TDRD5: variants seen among roughly 807,000 people sequenced by gnomAD.
TDRD5 encodes tudor domain-containing protein 5.
Under a neutral mutation model 120.6 loss-of-function variants are expected in TDRD5, and 41 were observed. The ratio of observed to expected loss-of-function variants is 0.34; its 90% CI spans 0.26 to 0.44. The LOEUF is 0.44. Ranked by LOEUF, TDRD5 falls within the 20% of genes least tolerant of loss-of-function variation. The pLI, the probability that TDRD5 is intolerant of heterozygous loss-of-function variation, is 1.00. For missense variants in TDRD5, 1,006 were observed against 1,221.2 expected, an observed-to-expected ratio of 0.82 and a Z score of 2.63; for synonymous variants, 430 against 433.7, an observed-to-expected ratio of 0.99 and a Z score of 0.11.
At chr1:179,652,274 G>C in intron 13 of TDRD5, 77 bp downstream of exon 13, 1 of 1,430,032 alleles carries the variant, frequency 7.0e-7, no homozygotes, top group Non-Finnish European at 9.2e-7. Flanking sequence ...AGAAACCAAG[G>C]CTTTCCAAAT....
At chr1:179,632,512 C>T (rs1677514463) in intron 7 of TDRD5, among the ~76,000 whole-genome samples, 1 of 151,190 alleles carries the variant, frequency 6.6e-6, no homozygotes, top group Non-Finnish European at 1.5e-5. Context: ...AGAACATTTT[C>T]TATTATTTTA....
At chr1:179,631,068 T>A in intron 7 of TDRD5, 148 bp downstream of exon 7, 1 of 901,374 alleles carries the variant, frequency 1.1e-6, no homozygotes, top group East Asian at 2.7e-5. Flanking sequence ...TAATCTGTAT[T>A]GTTAATAAAA....
intron 11 of TDRD5, among the ~76,000 whole-genome samples, chr1:179,641,490 G>A (rs974978291): frequency 2.6e-5 from 4 of 151,298 alleles, no homozygotes; most frequent in East Asian, 1.9e-4. Flanking sequence ...AGATTGCGCC[G>A]CTGCACTCCA....
At chr1:179,671,543 A>G (rs1052688726) in intron 17 of TDRD5, among the ~76,000 whole-genome samples, 28 of 152,200 alleles carry the variant, frequency 1.8e-4, no homozygotes, top group Non-Finnish European at 3.5e-4. Flanking sequence ...TATAATTTTC[A>G]TAAAATATTT....
At chr1:179,655,315 T>C (rs1678940495) in intron 14 of TDRD5, among the ~76,000 whole-genome samples, 1 of 152,220 alleles carries the variant, frequency 6.6e-6, no homozygotes, top group Non-Finnish European at 1.5e-5. Context: ...TATCAAACTT[T>C]CCATCAGATC....
chr1:179,686,842 A>G (rs2147823264), intron 17 of TDRD5, among the ~76,000 whole-genome samples: 1 of 152,322 alleles, frequency 6.6e-6, no homozygotes, highest in South Asian at 2.1e-4. Context: ...AGGTATTTAC[A>G]GTATTCTCTG....
intron 16 of TDRD5, among the ~76,000 whole-genome samples, chr1:179,665,154 T>C (rs375533596): frequency 1.1e-4 from 16 of 152,160 alleles, no homozygotes; most frequent in African/African-American, 3.4e-4. Context: ...AATATCATAT[T>C]ACAAGTCCCT....
chr1:179,592,285 C>T, intron 1 of TDRD5, 160 bp downstream of exon 1: 1 of 288,670 alleles, frequency 3.5e-6, no homozygotes, highest in Non-Finnish European at 6.6e-6. Context: ...AGTTCCTAGT[C>T]CTGGTTCCCG....
intron 7 of TDRD5, 117 bp from the exon 8 acceptor site, chr1:179,634,340 C>G: frequency 9.8e-7 from 1 of 1,015,266 alleles, no homozygotes; most frequent in Admixed American, 2.6e-5. Flanking sequence ...CTTTCTAGCA[C>G]CTGGTGTGTT....
chr1:179,598,633 G>T, intron 4 of TDRD5, among the ~76,000 whole-genome samples: 1 of 149,812 alleles, frequency 6.7e-6, no homozygotes. Context: ...ATTATAAATG[G>T]TATTTAAAAT....
intron 7 of TDRD5, among the ~76,000 whole-genome samples, chr1:179,633,777 A>C (rs1202317319): frequency 6.6e-6 from 1 of 152,234 alleles, no homozygotes; most frequent in Admixed American, 6.5e-5. Context: ...AAGTAGTTAC[A>C]TACAGTCTAC....
chr1:179,646,868 A>C (rs1678399725), intron 11 of TDRD5, among the ~76,000 whole-genome samples: 1 of 151,806 alleles, frequency 6.6e-6, no homozygotes, highest in South Asian at 2.1e-4. Context: ...AAAGAGAATA[A>C]AATACCTAGG....
chr1:179,634,535 A>G lies in TDRD5; in HGVS notation c.1205A>G (p.Lys402Arg), dbSNP rs1677652048. 3 of 1,613,914 alleles carry G rather than the reference A, an allele frequency of 1.9e-6. No individual in the cohort carries two copies. The highest frequency in any genetic ancestry group is 2.7e-5 in the African/African-American group (2 of 74,934). The change falls in exon 8 of 18, where the codon AAA becomes AGA. Residue 402 changes from lysine to arginine, a missense_variant. Lys to Arg is a conservative substitution (Grantham distance 26). Coordinates refer to ENST00000444136, the MANE Select transcript of TDRD5 (RefSeq NM_001199085.3). ...PRNSLSTAAV[K>R]ETVWNCPSKK... is the part of the protein sequence containing the mutation. ...AATTCATTGTCTACTGCTGCTGTCA[A>G]AGAGACTGTATGGAATTGCCCTTCA...
chr1:179,605,422 T>A (rs1675920665), intron 4 of TDRD5, among the ~76,000 whole-genome samples: 1 of 152,184 alleles, frequency 6.6e-6, no homozygotes, highest in Non-Finnish European at 1.5e-5. Context: ...TGCTATTTGT[T>A]GCATTCATCT....
At chr1:179,625,789 G>T (rs115631802) in intron 6 of TDRD5, among the ~76,000 whole-genome samples, 17 of 152,092 alleles carry the variant, frequency 1.1e-4, no homozygotes, top group Non-Finnish European at 2.2e-4. Flanking sequence ...ATTGTGGTAC[G>T]TTTGTACAAC....
intron 4 of TDRD5, among the ~76,000 whole-genome samples, chr1:179,607,661 C>T (rs1256246407): frequency 1.3e-5 from 2 of 151,926 alleles, no homozygotes; most frequent in African/African-American, 2.4e-5. Flanking sequence ...GTAAGAACCT[C>T]GGGACAGTAA....
intron 3 of TDRD5, among the ~76,000 whole-genome samples, chr1:179,594,749 A>C (rs991112278): frequency 2.0e-5 from 3 of 152,190 alleles, no homozygotes; most frequent in Non-Finnish European, 4.4e-5. Flanking sequence ...CAATATTTAC[A>C]CTGTGGTAGG....
chr1:179,604,492 A>G (rs1675872650), intron 4 of TDRD5, among the ~76,000 whole-genome samples: 1 of 151,808 alleles, frequency 6.6e-6, no homozygotes, highest in Non-Finnish European at 1.5e-5. Flanking sequence ...GTGCTCTTTC[A>G]GCCTTTTTGA....
chr1:179,600,113 G>A (rs1675627715), intron 4 of TDRD5, among the ~76,000 whole-genome samples: 1 of 152,046 alleles, frequency 6.6e-6, no homozygotes, highest in African/African-American at 2.4e-5. Context: ...ACAGCTCCAT[G>A]CATATTATTG....
Sources: allele counts gnomAD v4.1 joint callset (sites outside exome capture counted in the v4.1 genomes callset), GRCh38; gene constraint gnomAD v4.1.1; transcripts MANE v1.5; gene names NCBI Gene and HGNC (gene_info 2026-07-23, HGNC 2026-07-21).